The following SEC23A variants were observed in gnomAD, a reference collection of about 807,000 sequenced individuals.
SEC23A encodes the protein SEC23 homolog A, COPII component.
In SEC23A, 56 loss-of-function variants were observed where a neutral mutation model predicts 103.7. The observed-to-expected ratio is 0.54, with a 90% CI of 0.44 to 0.67. SEC23A has a LOEUF of 0.67. Ranked by LOEUF, SEC23A falls within the 30% of genes least tolerant of loss-of-function variation. SEC23A has a pLI of 0.00. For missense variants in SEC23A, 784 were observed against 936.4 expected (o/e 0.84, Z 2.12); for synonymous variants, 281 against 293.0 (o/e 0.96, Z 0.42).
intron 4 of SEC23A, 84 bp downstream of exon 4, chr14:39,092,457 G>T: frequency 1.2e-6 from 1 of 847,470 alleles, no homozygotes. Context: ...AATTAAGCAT[G>T]ATTCCTTCTA....
At position 39,093,256 on chromosome 14, in the gene SEC23A, AAAAAG is replaced by A. The variant is rs759145724; in HGVS notation, c.222-17_222-13del. ...GATAATCCACTTGACTGTTTTAAAAAAAAAGAAAAGACATATCAGTTCATATTTCA... is the reference window on the plus strand; with the variant it reads ...GATAATCCACTTGACTGTTTTAAAAAAAAAGACATATCAGTTCATATTTCA... On this transcript the variant is annotated splice_polypyrimidine_tract_variant and intron_variant, in intron 2 of 19. Coordinates refer to ENST00000307712, the MANE Select transcript of SEC23A (RefSeq NM_006364.4). 2.5e-6 allele frequency: 4 copies of A among 1,608,906 alleles called. No individual in the cohort carries two copies. Among genetic ancestry groups the A allele is most frequent in the African/African-American group, 2.7e-5 (2 of 74,808 alleles).
chr14:39,100,416 C>T (rs983445727), intron 1 of SEC23A, among the ~76,000 whole-genome samples: 4 of 143,896 alleles, frequency 2.8e-5, no homozygotes, highest in Admixed American at 1.4e-4. Flanking sequence ...GCCAACTTAA[C>T]TTTTTTTTTT....
At chr14:39,060,604 A>C (rs747039312) in intron 13 of SEC23A, among the ~76,000 whole-genome samples, 16 of 152,322 alleles carry the variant, frequency 1.1e-4, no homozygotes, top group Middle Eastern at 3.4e-3. Context: ...TCATCTAAAA[A>C]ACCTCTTCCT....
chr14:39,066,011 A>C (rs1211455198), intron 10 of SEC23A, among the ~76,000 whole-genome samples: 37 of 45,762 alleles, frequency 8.1e-4, no homozygotes, highest in Non-Finnish European at 1.7e-3. Context: ...AAAAAAAAAA[A>C]AAAAAAAAAA....
At chr14:39,053,382 T>A (rs936894173) in intron 14 of SEC23A, among the ~76,000 whole-genome samples, 1 of 152,056 alleles carries the variant, frequency 6.6e-6, no homozygotes, top group African/African-American at 2.4e-5. Flanking sequence ...CTATCCTAAA[T>A]AAGCAAGGGT....
chr14:39,040,049 T>C (rs948669791), intron 18 of SEC23A: 3 of 152,222 alleles, frequency 2.0e-5, no homozygotes, highest in Non-Finnish European at 4.4e-5. Flanking sequence ...CAAAGCATAG[T>C]CCCTGCCTTC....
At chr14:39,086,326 C>A (rs1468010565) in intron 6 of SEC23A, among the ~76,000 whole-genome samples, 1 of 152,126 alleles carries the variant, frequency 6.6e-6, no homozygotes. Context: ...AGTAATACTA[C>A]CTCTGATTAG....
intron 13 of SEC23A, among the ~76,000 whole-genome samples, chr14:39,059,290 A>AAAAAAAAAAAAAAAAAAAC (rs1886377003): frequency 1.7e-5 from 1 of 59,924 alleles, no homozygotes; most frequent in Non-Finnish European, 4.3e-5. Flanking sequence ...AAAAAAAAAA[A>AAAAAAAAAAAAAAAAAAAC]AAAAAAAAAA....
intron 12 of SEC23A, among the ~76,000 whole-genome samples, chr14:39,063,005 G>C (rs1886531525): frequency 6.6e-6 from 1 of 152,114 alleles, no homozygotes; most frequent in African/African-American, 2.4e-5. Context: ...AAAATGTGTA[G>C]CTAGAAGGGA....
At chr14:39,051,650 A>T (rs563382627) in intron 14 of SEC23A, among the ~76,000 whole-genome samples, 2 of 152,222 alleles carry the variant, frequency 1.3e-5, no homozygotes, top group South Asian at 4.2e-4. Flanking sequence ...TACACCATGA[A>T]ATACTATGCA....
chr14:39,060,499 G>C (rs1413329900), intron 13 of SEC23A, among the ~76,000 whole-genome samples: 1 of 152,060 alleles, frequency 6.6e-6, no homozygotes, highest in East Asian at 1.9e-4. Flanking sequence ...TGACTAAACT[G>C]GGTAAGTTTA....
intron 6 of SEC23A, among the ~76,000 whole-genome samples, chr14:39,086,562 T>C (rs1446300552): frequency 2.0e-5 from 3 of 151,942 alleles, no homozygotes; most frequent in African/African-American, 7.3e-5. Flanking sequence ...GCGGAAGTTG[T>C]AGTGAGCCAA....
chr14:39,040,946 A>T, intron 17 of SEC23A, 59 bp from the exon 18 acceptor site: 1 of 1,530,842 alleles, frequency 6.5e-7, no homozygotes, highest in Non-Finnish European at 8.8e-7. Flanking sequence ...AAAAATCTTG[A>T]GATTTTTCCA....
At chr14:39,070,596 G>C (rs1204352958) in intron 9 of SEC23A, among the ~76,000 whole-genome samples, 1 of 152,128 alleles carries the variant, frequency 6.6e-6, no homozygotes, top group African/African-American at 2.4e-5. Flanking sequence ...TATTAATAAG[G>C]ACAAAAGTCA....
At chr14:39,083,347 T>C (rs1196268817) in intron 7 of SEC23A, among the ~76,000 whole-genome samples, 2 of 152,008 alleles carry the variant, frequency 1.3e-5, no homozygotes, top group African/African-American at 2.4e-5. Context: ...CCTGTGTCTC[T>C]CACCTACCTG....
chr14:39,088,211 T>C (rs1243795590), intron 5 of SEC23A: 2 of 152,014 alleles, frequency 1.3e-5, no homozygotes, highest in Admixed American at 6.6e-5. Context: ...AGGGAAAGAA[T>C]AGGGAAATTT....
intron 1 of SEC23A, among the ~76,000 whole-genome samples, chr14:39,100,422 T>TC: frequency 6.6e-6 from 1 of 151,652 alleles, no homozygotes; most frequent in Non-Finnish European, 1.5e-5. Context: ...TTAACTTTTT[T>TC]TTTTTTTTTG....
intron 10 of SEC23A, among the ~76,000 whole-genome samples, chr14:39,065,804 G>A (rs1440052236): frequency 6.6e-6 from 1 of 151,904 alleles, no homozygotes; most frequent in Non-Finnish European, 1.5e-5. Context: ...TTCAAGACCA[G>A]CCTGACCAAC....
chr14:39,040,673 G>A (rs1355264220), intron 18 of SEC23A, 59 bp downstream of exon 18: 1 of 1,595,626 alleles, frequency 6.3e-7, no homozygotes, highest in Non-Finnish European at 8.6e-7. Context: ...AGGCAAGCAG[G>A]TACACCTCAC....
Sources: allele counts gnomAD v4.1 joint callset (sites outside exome capture counted in the v4.1 genomes callset), GRCh38; gene constraint gnomAD v4.1.1; transcripts MANE v1.5; gene names NCBI Gene and HGNC (gene_info 2026-07-23, HGNC 2026-07-21).